The following PRKG1 variants were observed in gnomAD, a reference collection of about 807,000 sequenced individuals.
PRKG1 encodes protein kinase cGMP-dependent 1, also known as cGMP-dependent protein kinase 1.
A neutral mutation model predicts 88.1 loss-of-function variants in PRKG1; 35 were observed. The ratio of observed to expected loss-of-function variants is 0.40; its 90% CI spans 0.30 to 0.53. PRKG1 has a LOEUF of 0.53. Among genes scored for constraint, PRKG1 ranks in the 20% least tolerant of loss-of-function variants. The pLI, the probability that PRKG1 is intolerant of heterozygous loss-of-function variation, is 0.59. For missense variants in PRKG1, 540 were observed against 839.8 expected, an observed-to-expected ratio of 0.64 and a Z score of 4.41; for synonymous variants, 303 against 292.5, an observed-to-expected ratio of 1.04 and a Z score of -0.37.
chr10:51,761,101 G>A lies in PRKG1; in HGVS notation c.593-43484G>A, dbSNP rs745816364. On this transcript the variant is annotated intron_variant, in intron 3 of 17. Transcript: ENST00000373980. ...TACACTCCAGTCTGGGTTATAGGGC[G>A]AGACTGGGTCTCAACAACAACAACA... 3.9e-5 allele frequency among the ~76,000 whole-genome samples: 6 copies of A among 152,152 alleles called. No individual in the cohort carries two copies. The East Asian group carries it at 5.8e-4, about 15-fold the overall frequency.
chr10:51,238,490 G>A (rs1054452724), intron 2 of PRKG1, among the ~76,000 whole-genome samples: 1 of 152,134 alleles, frequency 6.6e-6, no homozygotes, highest in Non-Finnish European at 1.5e-5. Context: ...GCTGAGGCAG[G>A]AGAATCTCTT....
intron 4 of PRKG1, among the ~76,000 whole-genome samples, chr10:51,858,287 T>TACATATATG (rs1397282555): frequency 6.8e-5 from 1 of 14,728 alleles, no homozygotes; most frequent in Admixed American, 9.1e-4. Context: ...ATATGTATAA[T>TACATATATG]TATACATATG....
At chr10:51,210,250 G>A (rs533185961) in intron 2 of PRKG1, among the ~76,000 whole-genome samples, 3,056 of 152,062 alleles carry the variant, frequency 0.02, 47 homozygotes, top group Middle Eastern at 0.051. Flanking sequence ...AGAAATAAAG[G>A]TGTTCTTTGA....
chr10:51,538,447 A>G (rs7078006), intron 3 of PRKG1, among the ~76,000 whole-genome samples: 118,388 of 144,148 alleles, frequency 0.82, 48,182 homozygotes, highest in East Asian at 0.98. Context: ...ATAATGTATT[A>G]TATATTATAT....
intron 3 of PRKG1, among the ~76,000 whole-genome samples, chr10:51,513,455 A>G (rs1387925344): frequency 6.5e-5 from 7 of 108,360 alleles, no homozygotes; most frequent in African/African-American, 2.2e-4. Flanking sequence ...AAAGTCAACA[A>G]GGATACCCAG....
chr10:51,862,205 T>C (rs1840894500), intron 4 of PRKG1, among the ~76,000 whole-genome samples: 1 of 152,098 alleles, frequency 6.6e-6, no homozygotes, highest in African/African-American at 2.4e-5. Flanking sequence ...TTACAGCTCA[T>C]TTGTTCCCAC....
chr10:52,234,259 T>C (rs901223851), intron 9 of PRKG1, among the ~76,000 whole-genome samples: 34 of 152,246 alleles, frequency 2.2e-4, no homozygotes, highest in African/African-American at 7.7e-4. Context: ...GCAGAGTGTC[T>C]CTCCTCCTCC....
At chr10:51,685,370 T>A (rs565475939) in intron 3 of PRKG1, among the ~76,000 whole-genome samples, 1 of 152,192 alleles carries the variant, frequency 6.6e-6, no homozygotes, top group African/African-American at 2.4e-5. Context: ...TCTCAATACA[T>A]GCTGTTTGTA....
chr10:51,420,225 G>A (rs1015399806), intron 2 of PRKG1, among the ~76,000 whole-genome samples: 2 of 152,114 alleles, frequency 1.3e-5, no homozygotes, highest in African/African-American at 2.4e-5. Context: ...TGAGAGGTGG[G>A]TGCCACACAC....
At position 51,298,447 on chromosome 10, in the gene PRKG1, G is replaced by C. The variant is rs1331081995; in HGVS notation, c.478+145117G>C. On this transcript the variant is annotated intron_variant, in intron 2 of 17. Transcript: ENST00000373980. ...GTTGTTCAGTCTTTCCATACTCCAG[G>C]TTCTTCCTTTTTCAACAGTGTTGCT... Among the ~76,000 whole-genome samples, 25 of 152,088 alleles carry C rather than the reference G, an allele frequency of 1.6e-4. 1 individual carries two copies. Among genetic ancestry groups the C allele is most frequent in the Admixed American group, 1.6e-3 (24 of 15,268 alleles).
At chr10:51,212,003 G>A (rs1838234545) in intron 2 of PRKG1, among the ~76,000 whole-genome samples, 1 of 152,190 alleles carries the variant, frequency 6.6e-6, no homozygotes, top group African/African-American at 2.4e-5. Context: ...AGCCTGCATT[G>A]CCAAGTCAAT....
chr10:52,017,245 T>A (rs1301205233), intron 5 of PRKG1, among the ~76,000 whole-genome samples: 1 of 152,124 alleles, frequency 6.6e-6, no homozygotes, highest in African/African-American at 2.4e-5. Context: ...AGTTCTCTGG[T>A]TTGAGTTGTA....
upstream of PRKG1, chr10:51,074,476 G>A: frequency 6.8e-7 from 1 of 1,474,116 alleles, no homozygotes; most frequent in Admixed American, 2.4e-5. Context: ...TCTCAAGTAG[G>A]AAGCTTTGGC....
chr10:51,760,020 C>T (rs1487431880), intron 3 of PRKG1, among the ~76,000 whole-genome samples: 1 of 152,134 alleles, frequency 6.6e-6, no homozygotes, highest in African/African-American at 2.4e-5. Flanking sequence ...AGTTGGAGTA[C>T]TGGAACTCTA....
chr10:52,235,427 C>T (rs1359313189), intron 9 of PRKG1, among the ~76,000 whole-genome samples: 106 of 141,190 alleles, frequency 7.5e-4, no homozygotes, highest in African/African-American at 2.6e-3. Flanking sequence ...ACCCATCTCA[C>T]GTGCAGAGAC....
At chr10:51,429,138 G>A (rs1227182025) in intron 2 of PRKG1, among the ~76,000 whole-genome samples, 1 of 152,176 alleles carries the variant, frequency 6.6e-6, no homozygotes, top group African/African-American at 2.4e-5. Context: ...AAAAGTAAGA[G>A]CTTATTGGCT....
At chr10:51,751,969 G>A (rs1049176785) in intron 3 of PRKG1, among the ~76,000 whole-genome samples, 6 of 152,024 alleles carry the variant, frequency 3.9e-5, no homozygotes, top group Non-Finnish European at 7.4e-5. Context: ...TATCTTTTAC[G>A]TGCATGCTGG....
intron 7 of PRKG1, among the ~76,000 whole-genome samples, chr10:52,085,964 G>A (rs1846902822): frequency 6.6e-6 from 1 of 151,962 alleles, no homozygotes; most frequent in Admixed American, 6.6e-5. Context: ...CCCTTTACAT[G>A]AGATTCTACA....
At chr10:51,990,828 G>C (rs1373264468) in intron 5 of PRKG1, among the ~76,000 whole-genome samples, 1 of 151,826 alleles carries the variant, frequency 6.6e-6, no homozygotes, top group East Asian at 1.9e-4. Flanking sequence ...TTGGTTTTCT[G>C]TTTCTGTGTT....
Sources: allele counts gnomAD v4.1 joint callset (sites outside exome capture counted in the v4.1 genomes callset), GRCh38; gene constraint gnomAD v4.1.1; transcripts MANE v1.5; gene names NCBI Gene and HGNC (gene_info 2026-07-23, HGNC 2026-07-21).